The following XRN2 variants were observed in gnomAD, a reference collection of about 807,000 sequenced individuals.
The protein encoded by XRN2 is DHM1-like protein.
A neutral mutation model predicts 138.5 loss-of-function variants in XRN2; 44 were observed. That is an observed-to-expected ratio of 0.32 (90% CI 0.25 to 0.41). XRN2 has a LOEUF of 0.41. Ranked by LOEUF, XRN2 falls within the 10% of genes least tolerant of loss-of-function variation. XRN2 has a pLI of 1.00. For synonymous variants in XRN2, 354 were observed against 369.4 expected (o/e 0.96, Z 0.48); for missense variants, 937 against 1,169.3 (o/e 0.80, Z 2.90).
intron 3 of XRN2, 54 bp downstream of exon 3, chr20:21,326,655 C>T (rs1481044395): frequency 7.2e-7 from 1 of 1,398,364 alleles, no homozygotes; most frequent in Non-Finnish European, 9.9e-7. Context: ...GCTGTGTTAC[C>T]AGTGTCTAGA....
At position 21,368,451 on chromosome 20, in the gene XRN2, G is replaced by T. The variant is rs1449808209; in HGVS notation, c.2457-12G>T. ...ATACAATTTTTTTTTCTTGTGTTGG[G>T]TCCTTTTATAGCCATGTGATGCCAA... On this transcript the variant is annotated splice_polypyrimidine_tract_variant and intron_variant, in intron 26 of 29. Transcript: ENST00000377191. 3.1e-6 allele frequency: 5 copies of T among 1,612,244 alleles called. No individual in the cohort carries two copies. Among genetic ancestry groups the T allele is most frequent in the Admixed American group, 1.7e-5 (1 of 59,684 alleles).
intron 1 of XRN2, among the ~76,000 whole-genome samples, chr20:21,315,377 C>A (rs1007291471): frequency 1.3e-5 from 2 of 152,214 alleles, no homozygotes; most frequent in Non-Finnish European, 2.9e-5. Context: ...GACGTGGTAT[C>A]TCCTGTGGTT....
At chr20:21,304,797 A>AATGCTTTCT (rs1330183463) in intron 1 of XRN2, among the ~76,000 whole-genome samples, 1 of 152,090 alleles carries the variant, frequency 6.6e-6, no homozygotes, top group Non-Finnish European at 1.5e-5. Flanking sequence ...CCCTTGACTC[A>AATGCTTTCT]ATGCTTTCTA....
At chr20:21,328,019 GA>G (rs1262705394) in intron 3 of XRN2, among the ~76,000 whole-genome samples, 1 of 152,070 alleles carries the variant, frequency 6.6e-6, no homozygotes, top group Non-Finnish European at 1.5e-5. Flanking sequence ...TGAAAAGACA[GA>G]AAAATTATAA....
In XRN2 at chr20:21,333,840, A is replaced by G; in HGVS notation, c.1067+3A>G. ...CATTTGCCATCGTTAGAGATTAGGTATGTGCATTTGTGTAGCTTTTCAAAC... is the reference window on the plus strand; with the variant it reads ...CATTTGCCATCGTTAGAGATTAGGTGTGTGCATTTGTGTAGCTTTTCAAAC... On this transcript the variant is annotated splice_donor_region_variant and intron_variant, in intron 11 of 29. Coordinates refer to ENST00000377191, the MANE Select transcript of XRN2 (RefSeq NM_012255.5). The G allele has an allele frequency of 6.2e-7, 1 of 1,614,090 alleles. No homozygotes were observed. Among genetic ancestry groups the G allele is most frequent in the African/African-American group, 1.3e-5 (1 of 75,034 alleles).
At chr20:21,318,412 C>T (rs569333802) in intron 1 of XRN2, among the ~76,000 whole-genome samples, 15 of 151,842 alleles carry the variant, frequency 9.9e-5, no homozygotes, top group African/African-American at 3.4e-4. Context: ...TTTAAATTTT[C>T]GTTTCATTAA....
intron 27 of XRN2, among the ~76,000 whole-genome samples, chr20:21,381,129 T>C (rs1026184290): frequency 3.1e-4 from 47 of 152,224 alleles, no homozygotes; most frequent in Admixed American, 2.7e-3. Context: ...AAAAGCATTT[T>C]TCTAGTTTGT....
chr20:21,330,969 T>C lies in XRN2; in HGVS notation c.576+264T>C, dbSNP rs985128871. Among the ~76,000 whole-genome samples the C allele has an allele frequency of 3.3e-5, 5 of 152,166 alleles. No individual in the cohort carries two copies. In the East Asian group the frequency reaches 5.8e-4, roughly 18 times the overall value. ...AATGGGATTCATAATTTAAAAAATATATATAGGAAAGTAATTTTTAAATGG... is the reference window on the plus strand; with the variant it reads ...AATGGGATTCATAATTTAAAAAATACATATAGGAAAGTAATTTTTAAATGG... On this transcript the variant is annotated intron_variant, in intron 6 of 29. Transcript: ENST00000377191.
intron 1 of XRN2, among the ~76,000 whole-genome samples, chr20:21,311,860 T>C (rs2122164264): frequency 6.6e-6 from 1 of 152,026 alleles, no homozygotes; most frequent in African/African-American, 2.4e-5. Context: ...CTGGGCATAG[T>C]GGTACAACAC....
chr20:21,331,111 G>C (rs1367952575), intron 6 of XRN2, among the ~76,000 whole-genome samples: 1 of 152,036 alleles, frequency 6.6e-6, no homozygotes, highest in Non-Finnish European at 1.5e-5. Context: ...TGTAATTTTA[G>C]GTTCATAAGC....
intron 24 of XRN2, among the ~76,000 whole-genome samples, chr20:21,362,651 A>G (rs2038650804): frequency 6.6e-6 from 1 of 152,030 alleles, no homozygotes; most frequent in African/African-American, 2.4e-5. Flanking sequence ...ATCACATTAT[A>G]CTCACACAAA....
chr20:21,346,852 C>T (rs935312455), intron 17 of XRN2, among the ~76,000 whole-genome samples: 2 of 152,050 alleles, frequency 1.3e-5, no homozygotes, highest in South Asian at 2.1e-4. Flanking sequence ...CTCCTGACCT[C>T]GTGATCCGCC....
chr20:21,374,318 T>C (rs1323073540), intron 27 of XRN2, among the ~76,000 whole-genome samples: 1 of 152,220 alleles, frequency 6.6e-6, no homozygotes, highest in Non-Finnish European at 1.5e-5. Context: ...TTGTTTGTTT[T>C]TTGTTTTGCT....
At chr20:21,365,303 C>G in intron 24 of XRN2, 118 bp from the exon 25 acceptor site, 1 of 925,922 alleles carries the variant, frequency 1.1e-6, no homozygotes, top group Non-Finnish European at 1.6e-6. Flanking sequence ...ATTTGTCAAA[C>G]CCATTTATTA....
Position 21,333,814 on chromosome 20 carries a change from T to A in XRN2, c.1044T>A (p.Pro348=). 1 of 1,614,164 alleles carries A rather than the reference T, an allele frequency of 6.2e-7. No individual in the cohort carries two copies. Among genetic ancestry groups the A allele is most frequent in the Non-Finnish European group, 8.5e-7 (1 of 1,180,012 alleles). Residue 348 remains proline, a synonymous_variant, in exon 11 of 30, where the codon CCT becomes CCA. Coordinates refer to ENST00000377191, the MANE Select transcript of XRN2 (RefSeq NM_012255.5). ...MCFFVGNDFL[P]HLPSLEIREN... ...TCTTTGTGGGAAATGACTTCCTCCCTCATTTGCCATCGTTAGAGATTAGGT... is the reference window on the plus strand; with the variant it reads ...TCTTTGTGGGAAATGACTTCCTCCCACATTTGCCATCGTTAGAGATTAGGT...
chr20:21,380,142 A>G (rs1368841705), intron 27 of XRN2, among the ~76,000 whole-genome samples: 1 of 152,186 alleles, frequency 6.6e-6, no homozygotes, highest in Non-Finnish European at 1.5e-5. Flanking sequence ...GGGTAACCGC[A>G]GTGATTCCAG....
At position 21,354,807 on chromosome 20, in the gene XRN2, T is replaced by C; in HGVS notation, c.1955T>C (p.Phe652Ser). ...YAWQGVALLP[F>S]VDERRLRAAL... ...TTTTCAGGTGTTGCTCTCTTGCCAT[T>C]CGTGGATGAGCGAAGGCTACGAGCT... The change falls in exon 21 of 30, where the codon TTC (phenylalanine) becomes TCC (serine). Residue 652 changes from phenylalanine to serine, a missense_variant. Around this residue, in one of 6 missense-constraint regions of XRN2, gnomAD observed 372 missense variants for 414.4 expected, o/e 0.90. Coordinates refer to ENST00000377191, the MANE Select transcript of XRN2 (RefSeq NM_012255.5). The C allele has an allele frequency of 6.2e-7, 1 of 1,614,024 alleles. No homozygotes were observed. The highest frequency in any genetic ancestry group is 8.5e-7 in the Non-Finnish European group (1 of 1,179,944).
intron 27 of XRN2, among the ~76,000 whole-genome samples, chr20:21,381,068 G>T (rs2038877733): frequency 1.3e-5 from 2 of 151,958 alleles, no homozygotes; most frequent in South Asian, 2.1e-4. Context: ...TATATTTTTG[G>T]TTTCTAACCA....
chr20:21,349,503 CAT>C, intron 20 of XRN2, 42 bp downstream of exon 20: 1 of 1,376,928 alleles, frequency 7.3e-7, no homozygotes. Flanking sequence ...TGTGAACAAA[CAT>C]AATTTTTGAA....
Sources: allele counts gnomAD v4.1 joint callset (sites outside exome capture counted in the v4.1 genomes callset), GRCh38; gene constraint gnomAD v4.1.1; regional missense constraint gnomAD v4.1.1; transcripts MANE v1.5; gene names NCBI Gene and HGNC (gene_info 2026-07-23, HGNC 2026-07-21).